The following KCNN3 variants were observed in gnomAD, a reference collection of about 807,000 sequenced individuals.
The protein encoded by KCNN3 is potassium calcium-activated channel subfamily N member 3.
A neutral mutation model predicts 62.9 loss-of-function variants in KCNN3; 16 were observed. That is an observed-to-expected ratio of 0.25 (90% confidence interval 0.17 to 0.39). The LOEUF (loss-of-function observed/expected upper bound fraction) is 0.39. KCNN3 is among the 10% of genes least tolerant of loss of function. The pLI, the probability that KCNN3 is intolerant of heterozygous loss-of-function variation, is 1.00. For missense variants in KCNN3, 599 were observed against 949.4 expected, an observed-to-expected ratio of 0.63 and a Z score of 4.85; for synonymous variants, 370 against 389.2, an observed-to-expected ratio of 0.95 and a Z score of 0.58.
At position 154,702,462 on chromosome 1, in the gene KCNN3, A is replaced by G. The variant is rs961648970; in HGVS notation, c.*5514T>C. 1 of 151,610 alleles carries G rather than the reference A, an allele frequency of 6.6e-6. No homozygotes were observed. The highest frequency in any genetic ancestry group is 1.5e-5 in the Non-Finnish European group (1 of 67,950). 9.4% of individuals were successfully genotyped at this position (151,610 alleles called of 1,614,324 possible). A position where few individuals can be genotyped will look rare whatever the true frequency, so the allele number is the denominator to read the frequency against. On this transcript the variant is annotated 3_prime_UTR_variant, in exon 8 of 8. Coordinates refer to ENST00000271915, the MANE Select transcript of KCNN3 (RefSeq NM_002249.6). ...AAACACTTCAGTTTCTGAGCTTGCCATGAAAATGTTTCCTCCATTAACATC... is the reference window on the plus strand; with the variant it reads ...AAACACTTCAGTTTCTGAGCTTGCCGTGAAAATGTTTCCTCCATTAACATC...
chr1:154,845,138 T>G (rs1386683373), intron 1 of KCNN3, among the ~76,000 whole-genome samples: 1 of 152,178 alleles, frequency 6.6e-6, no homozygotes, highest in Non-Finnish European at 1.5e-5. Context: ...CTGCCCAAGA[T>G]AGACCTCATG....
At chr1:154,780,194 CTTTTT>C (rs71077969) in intron 2 of KCNN3, among the ~76,000 whole-genome samples, 1 of 102,048 alleles carries the variant, frequency 9.8e-6, no homozygotes, top group African/African-American at 3.9e-5. Context: ...TTCTTTTTTT[CTTTTT>C]TTTTTTTTTT....
intron 3 of KCNN3, among the ~76,000 whole-genome samples, chr1:154,766,680 G>GTT (rs1439666824): frequency 9.1e-5 from 13 of 142,458 alleles, no homozygotes; most frequent in South Asian, 8.7e-4. Context: ...TTGTTTTGGG[G>GTT]TTTGTTTTTT....
intron 2 of KCNN3, among the ~76,000 whole-genome samples, chr1:154,788,296 G>A (rs1407402033): frequency 6.6e-6 from 1 of 152,286 alleles, no homozygotes; most frequent in Non-Finnish European, 1.5e-5. Flanking sequence ...GCCTTCTGCC[G>A]AGTGCTGGCC....
rs1699999251 is a variant in KCNN3 at position 154,708,093 on chromosome 1, G to C, written c.2079C>G (p.Ile693Met). The change falls in exon 8 of 8, where the codon ATC becomes ATG. Residue 693 changes from isoleucine to methionine, a missense_variant. By Grantham distance (10) the Ile-to-Met change is conservative. Transcript: ENST00000271915. ...CTGCCACGCTGACACCCCGGGCCTC[G>C]ATGATGGCAGACAGGAGCTGCTGCT... ...QQQQQLLSAI[I>M]EARGVSVAVG... The C allele has an allele frequency of 1.9e-6, 3 of 1,613,938 alleles. No individual in the cohort carries two copies. The highest frequency in any genetic ancestry group is 2.5e-6 in the Non-Finnish European group (3 of 1,179,948).
intron 1 of KCNN3, among the ~76,000 whole-genome samples, chr1:154,864,814 G>A (rs1652892203): frequency 1.3e-5 from 2 of 152,200 alleles, no homozygotes; most frequent in African/African-American, 4.8e-5. Flanking sequence ...TGGTGGGGGA[G>A]TGGGCAGAGG....
At chr1:154,859,640 C>T (rs915809020) in intron 1 of KCNN3, 12 of 1,556,884 alleles carry the variant, frequency 7.7e-6, no homozygotes, top group Admixed American at 3.3e-5. Context: ...AGCCAGGCAA[C>T]AGGTCATCTG....
In KCNN3 at chr1:154,821,673, G is replaced by A. The variant is rs150214284; in HGVS notation, c.1029+416C>T. Among the ~76,000 whole-genome samples, 642 of 152,348 alleles carry A rather than the reference G, an allele frequency of 4.2e-3. 3 individuals are homozygous for A. The highest frequency in any genetic ancestry group is 0.015 in the African/African-American group (605 of 41,588). ...CTTGGTGGAGTTTGGTGCAGCATAT[G>A]TGGGGGTACACAAGGCAGGTCTGCC... On this transcript the variant is annotated intron_variant, in intron 2 of 7. Transcript: ENST00000271915.
Position 154,703,553 on chromosome 1 carries a change from C to A in KCNN3, c.*4423G>T, listed in dbSNP as rs576010690. On this transcript the variant is annotated 3_prime_UTR_variant, in exon 8 of 8. Transcript: ENST00000271915. Reference sequence around the variant, plus strand: ...AACAGTAACTTCAAAAGAGTAGTAACCTACTGGTAGTGCAATGACTTCACA... The same window carrying A: ...AACAGTAACTTCAAAAGAGTAGTAAACTACTGGTAGTGCAATGACTTCACA... 1 of 152,270 alleles carries A rather than the reference C, an allele frequency of 6.6e-6. No homozygotes were observed. The highest frequency in any genetic ancestry group is 1.5e-5 in the Non-Finnish European group (1 of 68,008). The allele number at this position is 152,270 out of a possible 1,614,324, so 9.4% of individuals were successfully genotyped here.
chr1:154,822,130 G>A lies in KCNN3; in HGVS notation c.988C>T (p.Leu330Phe). The change falls in exon 2 of 8, where the codon CTT (leucine) becomes TTT (phenylalanine). Residue 330 changes from leucine (L) to phenylalanine (F), a missense_variant. Transcript: ENST00000271915. ...TGGTAGGCGATGATCAAGCCCAAAA[G>A]GATGATGGTGGACAGACTGATAAGG... is the stretch of plus-strand genomic sequence containing the variant. ...KCLISLSTIILLGLIIAYHTR... is the reference protein window; with the variant it reads ...KCLISLSTIIFLGLIIAYHTR... The A allele has an allele frequency of 6.2e-7, 1 of 1,614,188 alleles. No individual in the cohort carries two copies. Among genetic ancestry groups the A allele is most frequent in the East Asian group, 2.2e-5 (1 of 44,884 alleles).
rs1042141642 is a variant in KCNN3, at chr1:154,743,920, G to A, written c.1449-10776C>T. Among the ~76,000 whole-genome samples, 3 of 152,110 alleles carry A rather than the reference G, an allele frequency of 2.0e-5. No homozygotes were observed. The South Asian group carries it at 6.2e-4, about 31-fold the overall frequency. ...GAAGTAATCCCATCATAAGTCACGG[G>A]ACATCTCTACTTAGAAGGCTCTTAT... On this transcript the variant is annotated intron_variant, in intron 3 of 7. Transcript: ENST00000271915.
intron 1 of KCNN3, among the ~76,000 whole-genome samples, chr1:154,856,462 C>T (rs778235711): frequency 2.1e-4 from 32 of 152,290 alleles, no homozygotes; most frequent in Non-Finnish European, 4.0e-4. Context: ...CTGGTGCTCA[C>T]GACCTTCCCG....
intron 3 of KCNN3, among the ~76,000 whole-genome samples, chr1:154,751,173 G>A (rs1160631784): frequency 2.0e-5 from 3 of 152,192 alleles, no homozygotes; most frequent in Non-Finnish European, 2.9e-5. Flanking sequence ...CCCAACTCGC[G>A]GTGTGAGTCT....
At chr1:154,792,851 C>T (rs887503710) in intron 2 of KCNN3, among the ~76,000 whole-genome samples, 2 of 152,138 alleles carry the variant, frequency 1.3e-5, no homozygotes, top group Admixed American at 6.5e-5. Flanking sequence ...GTGATGCAGG[C>T]AGAAGTTTGA....
chr1:154,823,480 GC>G (rs1172785928), intron 1 of KCNN3, among the ~76,000 whole-genome samples: 3 of 152,196 alleles, frequency 2.0e-5, no homozygotes, highest in Admixed American at 6.5e-5. Context: ...ACAGCCCTCG[GC>G]CTTTTACCTT....
At chr1:154,859,311 C>T (rs1164155136) in intron 1 of KCNN3, among the ~76,000 whole-genome samples, 3 of 152,218 alleles carry the variant, frequency 2.0e-5, no homozygotes, top group East Asian at 1.9e-4. Flanking sequence ...TGGAAGCTTG[C>T]GAGGAGGCAG....
At chr1:154,852,032 G>A (rs553628352) in intron 1 of KCNN3, among the ~76,000 whole-genome samples, 2 of 152,142 alleles carry the variant, frequency 1.3e-5, no homozygotes, top group African/African-American at 4.8e-5. Flanking sequence ...CTGCTCCCAG[G>A]CCTGCACCGT....
chr1:154,730,920 G>T (rs1265929361), intron 4 of KCNN3, among the ~76,000 whole-genome samples: 1 of 152,188 alleles, frequency 6.6e-6, no homozygotes, highest in Non-Finnish European at 1.5e-5. Flanking sequence ...GAGAGGCAGG[G>T]GTGGGGCCAG....
At chr1:154,709,634 G>A (rs1006311775) in intron 7 of KCNN3, among the ~76,000 whole-genome samples, 14 of 152,188 alleles carry the variant, frequency 9.2e-5, no homozygotes, top group Admixed American at 3.9e-4. Flanking sequence ...GCAGCATAAG[G>A]AAAGGTCACA....
Sources: allele counts gnomAD v4.1 joint callset (sites outside exome capture counted in the v4.1 genomes callset), GRCh38; gene constraint gnomAD v4.1.1; transcripts MANE v1.5; gene names NCBI Gene and HGNC (gene_info 2026-07-23, HGNC 2026-07-21).